Variants in ADAMTSL1 observed in about 807,000 individuals in gnomAD.
ADAMTSL1 encodes ADAMTS-like protein 1.
ADAMTSL1 carries 126 observed loss-of-function variants against 201.8 expected under a neutral mutation model. The ratio of observed to expected loss-of-function variants is 0.62; its 90% CI spans 0.54 to 0.72. ADAMTSL1 has a LOEUF of 0.72. ADAMTSL1 is among the 30% of genes least tolerant of loss of function. ADAMTSL1 has a pLI of 0.00. For synonymous variants in ADAMTSL1, 1,121 were observed against 903.4 expected (o/e 1.24, Z -4.32); for missense variants, 2,679 against 2,277.8 (o/e 1.18, Z -3.59).
At chr9:17,971,943 T>C (rs1043028530) in intron 1 of ADAMTSL1, among the ~76,000 whole-genome samples, 1 of 151,846 alleles carries the variant, frequency 6.6e-6, no homozygotes, top group South Asian at 2.1e-4. Context: ...ATTTTAAAGT[T>C]AAAATTTTTA....
intron 19 of ADAMTSL1, among the ~76,000 whole-genome samples, chr9:18,788,375 A>ACC (rs1053136302): frequency 2.4e-4 from 34 of 143,120 alleles, no homozygotes; most frequent in Admixed American, 2.2e-3. Context: ...GACGTTAATT[A>ACC]CCCCCCCGCC....
At chr9:18,577,557 C>T (rs1047231113) in intron 4 of ADAMTSL1, among the ~76,000 whole-genome samples, 10 of 152,200 alleles carry the variant, frequency 6.6e-5, no homozygotes, top group Admixed American at 4.6e-4. Context: ...GGTCAAGATA[C>T]GCAACGTCCC....
intron 14 of ADAMTSL1, chr9:18,718,122 T>G (rs1274596785): frequency 8.9e-7 from 1 of 1,119,344 alleles, no homozygotes; most frequent in Non-Finnish European, 1.4e-6. Flanking sequence ...TTCCATTGTC[T>G]TGCTAGATTT....
At chr9:18,515,639 T>G (rs1818322225) in intron 2 of ADAMTSL1, among the ~76,000 whole-genome samples, 1 of 152,182 alleles carries the variant, frequency 6.6e-6, no homozygotes, top group Admixed American at 6.5e-5. Context: ...GATTTTCTGA[T>G]AAAGAAACTT....
intron 2 of ADAMTSL1, among the ~76,000 whole-genome samples, chr9:18,395,839 G>C (rs369011604): frequency 4.6e-5 from 7 of 152,272 alleles, no homozygotes; most frequent in East Asian, 1.9e-4. Context: ...CCATCCTAGA[G>C]GCTGAACTAA....
At chr9:18,532,375 AAC>A (rs1255539233) in intron 2 of ADAMTSL1, among the ~76,000 whole-genome samples, 3 of 152,178 alleles carry the variant, frequency 2.0e-5, no homozygotes, top group Admixed American at 6.5e-5. Context: ...CTATTCAAAA[AAC>A]ACAGTCAGAA....
intron 1 of ADAMTSL1, among the ~76,000 whole-genome samples, chr9:18,093,453 A>G (rs1279117912): frequency 6.6e-6 from 1 of 152,224 alleles, no homozygotes; most frequent in East Asian, 1.9e-4. Flanking sequence ...GTTCAAATTC[A>G]GATGGCATAA....
At chr9:18,721,486 A>G in intron 14 of ADAMTSL1, 50 bp from the exon 15 acceptor site, 1 of 1,590,958 alleles carries the variant, frequency 6.3e-7, no homozygotes. Flanking sequence ...ATCACCCCCC[A>G]CACACACACC....
intron 20 of ADAMTSL1, among the ~76,000 whole-genome samples, chr9:18,816,041 T>C (rs1004376237): frequency 2.6e-5 from 4 of 152,194 alleles, no homozygotes; most frequent in Non-Finnish European, 4.4e-5. Context: ...TTTTGAAATA[T>C]ACACATAGTC....
intron 23 of ADAMTSL1, among the ~76,000 whole-genome samples, chr9:18,848,444 T>C (rs906135317): frequency 6.6e-6 from 1 of 152,240 alleles, no homozygotes; most frequent in Non-Finnish European, 1.5e-5. Context: ...AGCCTTTACA[T>C]CCATCCTTCC....
In ADAMTSL1 at chr9:18,906,840, C is replaced by T; in HGVS notation, c.5110C>T (p.Pro1704Ser). 6.2e-7 allele frequency: 1 copy of T among 1,614,038 alleles called. No individual in the cohort carries two copies. The highest frequency in any genetic ancestry group is 8.5e-7 in the Non-Finnish European group (1 of 1,179,896). Residue 1704 changes from proline (P) to serine (S), a missense_variant, in exon 28 of 29, where the codon CCT (proline) becomes TCT (serine). Physicochemically the swap from Pro to Ser is moderately conservative, Grantham distance 74. Coordinates refer to ENST00000380548, the MANE Select transcript of ADAMTSL1 (RefSeq NM_001040272.6). ...GCATGCCCGCACCAACAAGGCAGTG[C>T]CTGAGCACCTGTGCTCCTGGGGGCC... ...CVHARTNKAV[P>S]EHLCSWGPRP...
chr9:18,312,231 T>G (rs1162430658), intron 2 of ADAMTSL1, among the ~76,000 whole-genome samples: 1 of 152,170 alleles, frequency 6.6e-6, no homozygotes, highest in African/African-American at 2.4e-5. Flanking sequence ...CTTGACTAGT[T>G]TATCATCTAG....
At chr9:18,813,619 T>G (rs1261268143) in intron 20 of ADAMTSL1, among the ~76,000 whole-genome samples, 1 of 152,222 alleles carries the variant, frequency 6.6e-6, no homozygotes, top group African/African-American at 2.4e-5. Context: ...TTTCAGGTAG[T>G]TTACTATTAG....
At chr9:18,384,276 A>G (rs1009050881) in intron 2 of ADAMTSL1, among the ~76,000 whole-genome samples, 18 of 152,080 alleles carry the variant, frequency 1.2e-4, no homozygotes, top group Non-Finnish European at 2.4e-4. Context: ...TGAAGGGGGA[A>G]GTGCCACACA....
intron 2 of ADAMTSL1, among the ~76,000 whole-genome samples, chr9:18,410,375 C>T (rs982876678): frequency 4.6e-5 from 7 of 152,074 alleles, no homozygotes; most frequent in Admixed American, 1.3e-4. Flanking sequence ...GCTCTCCCAC[C>T]CCCCACAGCC....
intron 7 of ADAMTSL1, among the ~76,000 whole-genome samples, chr9:18,657,310 A>G (rs546024689): frequency 6.6e-6 from 1 of 152,362 alleles, no homozygotes; most frequent in Non-Finnish European, 1.5e-5. Flanking sequence ...ACATAATTTT[A>G]TCTATTATAC....
At chr9:18,222,246 C>A (rs1325633443) in intron 2 of ADAMTSL1, among the ~76,000 whole-genome samples, 2 of 151,746 alleles carry the variant, frequency 1.3e-5, no homozygotes, top group Non-Finnish European at 2.9e-5. Context: ...GATAAACTTT[C>A]TAAAATTTCA....
chr9:18,319,906 C>T (rs1349739805), intron 2 of ADAMTSL1, among the ~76,000 whole-genome samples: 1 of 151,988 alleles, frequency 6.6e-6, no homozygotes, highest in Admixed American at 6.5e-5. Flanking sequence ...CTGGTGGGCT[C>T]GGCTGGAGTC....
chr9:18,740,592 T>C (rs966482406), intron 15 of ADAMTSL1, among the ~76,000 whole-genome samples: 1 of 148,702 alleles, frequency 6.7e-6, no homozygotes, highest in Admixed American at 6.8e-5. Context: ...TTCTCCTGCC[T>C]CGCCCTCCCA....
Sources: allele counts gnomAD v4.1 joint callset (sites outside exome capture counted in the v4.1 genomes callset), GRCh38; gene constraint gnomAD v4.1.1; transcripts MANE v1.5; gene names NCBI Gene and HGNC (gene_info 2026-07-23, HGNC 2026-07-21).